The following PID1 variants were observed in gnomAD, a reference collection of about 807,000 sequenced individuals.
The protein encoded by PID1 is PTB-containing, cubilin and LRP1-interacting protein.
In PID1, 10 loss-of-function variants were observed where a neutral mutation model predicts 19.1. The observed-to-expected ratio is 0.52, with a 90% CI of 0.32 to 0.89. The LOEUF (loss-of-function observed/expected upper bound fraction) is 0.89. Among genes scored for constraint, PID1 ranks in the 40% least tolerant of loss-of-function variants. The pLI is 0.03. For missense variants in PID1, 248 were observed against 285.3 expected, an observed-to-expected ratio of 0.87 and a Z score of 0.94; for synonymous variants, 130 against 116.0, an observed-to-expected ratio of 1.12 and a Z score of -0.78.
At chr2:229,166,306 TGAGGAACGAAGA>T (rs147700606) in intron 1 of PID1, among the ~76,000 whole-genome samples, 23,733 of 152,042 alleles carry the variant, frequency 0.16, 2,644 homozygotes, top group East Asian at 0.36. Flanking sequence ...CTGGGGATAG[TGAGGAACGAAGA>T]GAGGAGAGTG....
At chr2:229,170,283 G>T (rs1454249088) in intron 1 of PID1, among the ~76,000 whole-genome samples, 1 of 152,068 alleles carries the variant, frequency 6.6e-6, no homozygotes, top group Admixed American at 6.6e-5. Flanking sequence ...TCAACTGTCT[G>T]GTACTTTACA....
At chr2:229,217,895 C>G (rs1029265042) in intron 1 of PID1, among the ~76,000 whole-genome samples, 2 of 152,166 alleles carry the variant, frequency 1.3e-5, no homozygotes, top group African/African-American at 4.8e-5. Context: ...CAGTCAATTT[C>G]TAACACATAT....
intron 2 of PID1, among the ~76,000 whole-genome samples, chr2:229,154,953 A>T (rs1364924528): frequency 6.6e-6 from 1 of 152,178 alleles, no homozygotes; most frequent in Non-Finnish European, 1.5e-5. Flanking sequence ...TTTCATTTCT[A>T]GTTTTGTTTC....
At chr2:229,134,137 A>T (rs1027343291) in intron 2 of PID1, among the ~76,000 whole-genome samples, 3 of 152,038 alleles carry the variant, frequency 2.0e-5, no homozygotes, top group African/African-American at 7.2e-5. Flanking sequence ...TCACCTAATG[A>T]TCTTCCTTTA....
At chr2:229,241,177 G>C (rs1406063613) in intron 1 of PID1, among the ~76,000 whole-genome samples, 1 of 152,028 alleles carries the variant, frequency 6.6e-6, no homozygotes, top group Non-Finnish European at 1.5e-5. Context: ...TCCCACAGCT[G>C]TGTCTTCTTA....
At chr2:229,033,362 G>A (rs1693595107) in intron 2 of PID1, among the ~76,000 whole-genome samples, 1 of 152,184 alleles carries the variant, frequency 6.6e-6, no homozygotes, top group Non-Finnish European at 1.5e-5. Flanking sequence ...AGAATGACAA[G>A]CCAAGAATAA....
At chr2:229,115,472 A>G (rs1026201030) in intron 2 of PID1, among the ~76,000 whole-genome samples, 1 of 151,974 alleles carries the variant, frequency 6.6e-6, no homozygotes, top group African/African-American at 2.4e-5. Flanking sequence ...AAAACAAAAG[A>G]AGAAGAAGAA....
intron 2 of PID1, among the ~76,000 whole-genome samples, chr2:229,069,143 T>TGTGTGTGTGTGTGTGTGTG (rs1553559154): frequency 7.1e-6 from 1 of 140,630 alleles, no homozygotes; most frequent in African/African-American, 2.7e-5. Context: ...AGAAGGGTTT[T>TGTGTGTGTGTGTGTGTGTG]TGTGTGTGTG....
At chr2:229,258,551 C>G (rs1490637451) in intron 1 of PID1, among the ~76,000 whole-genome samples, 1 of 152,186 alleles carries the variant, frequency 6.6e-6, no homozygotes, top group Non-Finnish European at 1.5e-5. Context: ...TTCACATACA[C>G]ATTTTTAACA....
At chr2:229,198,055 C>G (rs1000472400) in intron 1 of PID1, among the ~76,000 whole-genome samples, 1 of 151,986 alleles carries the variant, frequency 6.6e-6, no homozygotes, top group Non-Finnish European at 1.5e-5. Flanking sequence ...CCGCTGATAG[C>G]TTTCAGGCTT....
chr2:229,054,550 C>A (rs1214054624), intron 2 of PID1, among the ~76,000 whole-genome samples: 1 of 151,950 alleles, frequency 6.6e-6, no homozygotes, highest in Non-Finnish European at 1.5e-5. Context: ...TGTGACCAGC[C>A]AGTCACAGGG....
intron 2 of PID1, among the ~76,000 whole-genome samples, chr2:229,071,841 C>T (rs1311267990): frequency 6.6e-6 from 1 of 152,176 alleles, no homozygotes; most frequent in Non-Finnish European, 1.5e-5. Flanking sequence ...ATGACTCATT[C>T]TATCTGTATT....
At chr2:229,091,181 A>C (rs1177864939) in intron 2 of PID1, among the ~76,000 whole-genome samples, 2 of 152,162 alleles carry the variant, frequency 1.3e-5, no homozygotes, top group African/African-American at 4.8e-5. Flanking sequence ...GTTAGAATAT[A>C]TTCTGTTACT....
chr2:229,139,057 GAGAAAGAAAGAA>G lies in PID1; in HGVS notation c.177+16749_177+16760del, dbSNP rs10701076. On this transcript the variant is annotated intron_variant, in intron 2 of 2. Transcript: ENST00000392055. Reference sequence around the variant, plus strand: ...AAAGAAAGAGAAAGAAAGAAAGAAAGAGAAAGAAAGAAAGAAAGAAAGAAAGAAAGAAAGAAA... The same window carrying G: ...AAAGAAAGAGAAAGAAAGAAAGAAAGAGAAAGAAAGAAAGAAAGAAAGAAA... 1.7e-3 allele frequency among the ~76,000 whole-genome samples: 77 copies of G among 45,612 alleles called. 1 individual carries two copies. Among genetic ancestry groups the G allele is most frequent in the South Asian group, 4.4e-3 (5 of 1,138 alleles). 29.9% of individuals were successfully genotyped at this position (45,612 alleles called of 152,430 possible).
chr2:229,130,695 C>T (rs6436842), intron 2 of PID1, among the ~76,000 whole-genome samples: 120,772 of 152,130 alleles, frequency 0.79, 48,082 homozygotes, highest in East Asian at 1. Context: ...ATTCATCTTG[C>T]GTCATCAGCA....
chr2:229,224,875 T>C (rs1177317483), intron 1 of PID1, among the ~76,000 whole-genome samples: 1 of 151,820 alleles, frequency 6.6e-6, no homozygotes, highest in Non-Finnish European at 1.5e-5. Flanking sequence ...AGCCCTGAGA[T>C]ACTGTTTTGT....
intron 2 of PID1, among the ~76,000 whole-genome samples, chr2:229,127,691 T>G (rs2106164260): frequency 6.6e-6 from 1 of 152,314 alleles, no homozygotes; most frequent in Admixed American, 6.5e-5. Flanking sequence ...CCATTAATAC[T>G]TCCCCAGTTG....
intron 2 of PID1, among the ~76,000 whole-genome samples, chr2:229,058,162 T>C (rs1281973215): frequency 6.6e-6 from 1 of 152,170 alleles, no homozygotes; most frequent in South Asian, 2.1e-4. Context: ...CTGCTCTATA[T>C]TACAACATCC....
At chr2:229,136,957 C>G (rs1203424602) in intron 2 of PID1, among the ~76,000 whole-genome samples, 1 of 152,146 alleles carries the variant, frequency 6.6e-6, no homozygotes, top group Non-Finnish European at 1.5e-5. Context: ...GTCTATGCAG[C>G]AGAAAAATCC....
Sources: gnomAD v4.1 joint callset for allele counts (sites outside exome capture counted in the v4.1 genomes callset) on GRCh38, gnomAD v4.1.1 for gene constraint, MANE v1.5 for transcripts, NCBI Gene and HGNC (gene_info 2026-07-23, HGNC 2026-07-21) for gene names.